The following STARD8 variants were observed in gnomAD, a reference collection of about 807,000 sequenced individuals.
STARD8 encodes the protein stAR-related lipid transfer protein 8.
In STARD8, 25 loss-of-function variants were observed where a neutral mutation model predicts 69.4. The observed-to-expected ratio is 0.36, with a 90% CI of 0.26 to 0.50. The LOEUF is 0.50. Among genes scored for constraint, STARD8 ranks in the 20% least tolerant of loss-of-function variants. STARD8 has a pLI of 0.96. For synonymous variants in STARD8, 389 were observed against 374.6 expected, an observed-to-expected ratio of 1.04 and a Z score of -0.45; for missense variants, 921 against 932.5, an observed-to-expected ratio of 0.99 and a Z score of 0.16.
At chrX:68,677,504 A>C (rs1295408977) in intron 2 of STARD8, among the ~76,000 whole-genome samples, 1 of 111,442 alleles carries the variant, frequency 9.0e-6, no homozygotes, top group Non-Finnish European at 1.9e-5. Context: ...CCAGAATGGG[A>C]AGGTGGTGAT....
At chrX:68,687,553 T>C (rs2079842318) in intron 2 of STARD8, among the ~76,000 whole-genome samples, 1 of 111,518 alleles carries the variant, frequency 9.0e-6, no homozygotes, top group Non-Finnish European at 1.9e-5. Flanking sequence ...TTTCTCACCA[T>C]AGATTTAACA....
intron 2 of STARD8, among the ~76,000 whole-genome samples, chrX:68,702,780 A>G (rs1055542001): frequency 1.8e-5 from 2 of 110,672 alleles, no homozygotes; most frequent in Non-Finnish European, 3.8e-5. Flanking sequence ...TGTTGTGAAG[A>G]TTCAATGACA....
chrX:68,689,465 G>C (rs2147900120), intron 2 of STARD8, among the ~76,000 whole-genome samples: 1 of 112,312 alleles, frequency 8.9e-6, no homozygotes, highest in African/African-American at 3.2e-5. Flanking sequence ...CATCAGGCTG[G>C]CACATTGACT....
rs1338125057 is a variant in STARD8, at chrX:68,721,137, C to T, written c.2248+15C>T. ...GATCTACCAGCGTGAGTCGCCCACTCCTATCCCCAACAACCTGTCCCATTC... is the reference window on the plus strand; with the variant it reads ...GATCTACCAGCGTGAGTCGCCCACTTCTATCCCCAACAACCTGTCCCATTC... On this transcript the variant is annotated intron_variant, in intron 9 of 14. Coordinates refer to ENST00000374599, the MANE Select transcript of STARD8 (RefSeq NM_001142503.3). 8.3e-7 allele frequency: 1 copy of T among 1,205,540 alleles called. No individual in the cohort carries two copies. Among genetic ancestry groups the T allele is most frequent in the Non-Finnish European group, 1.1e-6 (1 of 891,612 alleles).
chrX:68,715,713 G>A (rs2080086520), intron 4 of STARD8, among the ~76,000 whole-genome samples: 1 of 111,575 alleles, frequency 9.0e-6, no homozygotes, highest in African/African-American at 3.3e-5. Flanking sequence ...CAAGGCTTCA[G>A]CCTAACTGGC....
At chrX:68,689,288 C>T (rs1366296478) in intron 2 of STARD8, among the ~76,000 whole-genome samples, 3 of 61,810 alleles carry the variant, frequency 4.9e-5, no homozygotes, top group Admixed American at 4.5e-4. Flanking sequence ...CAGACCTCCC[C>T]GAGGCGTTAG....
chrX:68,716,610 A>C (rs1341642855), intron 5 of STARD8, among the ~76,000 whole-genome samples, 179 bp downstream of exon 5: 1 of 111,044 alleles, frequency 9.0e-6, no homozygotes, highest in Non-Finnish European at 1.9e-5. Flanking sequence ...CTTTCCTGGG[A>C]ACTTGCTTTC....
intron 2 of STARD8, among the ~76,000 whole-genome samples, chrX:68,688,039 ATG>A (rs1472874123): frequency 8.9e-6 from 1 of 112,773 alleles, no homozygotes; most frequent in African/African-American, 3.2e-5. Context: ...TGTTATGGGA[ATG>A]GCTGATGCAT....
chrX:68,714,990 G>T (rs988277912), intron 3 of STARD8, among the ~76,000 whole-genome samples: 2 of 111,779 alleles, frequency 1.8e-5, no homozygotes, highest in African/African-American at 6.5e-5. Context: ...GATTCAAAGG[G>T]GAATGGGGGA....
intron 2 of STARD8, among the ~76,000 whole-genome samples, chrX:68,679,515 G>A (rs1262641014): frequency 1.8e-5 from 2 of 112,316 alleles, no homozygotes; most frequent in African/African-American, 6.5e-5. Flanking sequence ...CAATCACTTG[G>A]TCAAAGAGAA....
chrX:68,686,240 T>C (rs1345141280), intron 2 of STARD8, among the ~76,000 whole-genome samples: 1 of 103,476 alleles, frequency 9.7e-6, no homozygotes, highest in African/African-American at 3.6e-5. Context: ...GAGTTCCTGC[T>C]CAAGGTGGGG....
At chrX:68,648,804 A>T (rs2079530688) in intron 1 of STARD8, among the ~76,000 whole-genome samples, 1 of 112,143 alleles carries the variant, frequency 8.9e-6, no homozygotes, top group Admixed American at 9.5e-5. Context: ...GTAAAGCATG[A>T]TTCCACTCTC....
chrX:68,693,176 G>A (rs2079889452), intron 2 of STARD8, among the ~76,000 whole-genome samples: 1 of 112,688 alleles, frequency 8.9e-6, no homozygotes, highest in Non-Finnish European at 1.9e-5. Flanking sequence ...GGAAGTTGCA[G>A]AGCCACTGGG....
intron 1 of STARD8, among the ~76,000 whole-genome samples, chrX:68,657,193 A>T: frequency 8.9e-6 from 1 of 111,797 alleles, no homozygotes; most frequent in African/African-American, 3.3e-5. Context: ...GGGGAGAATG[A>T]TAACTCCTAC....
At position 68,722,419 on chromosome X, in the gene STARD8, C is replaced by T. The variant is rs1390190971; in HGVS notation, c.2575-3C>T. 2 of 1,190,602 alleles carry T rather than the reference C, an allele frequency of 1.7e-6. No homozygotes were observed. The highest frequency in any genetic ancestry group is 1.1e-6 in the Non-Finnish European group (1 of 885,112). ...GCAGCCCATTGTGTGTGTGCCCTCT[C>T]AGGTGCCCCAGGACATGGTGCTGCA... On this transcript the variant is annotated splice_polypyrimidine_tract_variant and splice_region_variant and intron_variant, in intron 11 of 14. Coordinates refer to ENST00000374599, the MANE Select transcript of STARD8 (RefSeq NM_001142503.3).
intron 11 of STARD8, 86 bp from the exon 12 acceptor site, chrX:68,722,336 T>G: frequency 1.7e-5 from 16 of 927,970 alleles, no homozygotes; most frequent in Non-Finnish European, 2.2e-5. Flanking sequence ...GCTGCACCTC[T>G]CCACTGCCCT....
At chrX:68,698,587 G>GGACCCAGACCCAGACCCA (rs3838387) in intron 2 of STARD8, among the ~76,000 whole-genome samples, 2 of 106,974 alleles carry the variant, frequency 1.9e-5, no homozygotes, top group African/African-American at 3.5e-5. Context: ...GGTCGGGCCA[G>GGACCCAGACCCAGACCCA]GACCCAGACC....
At chrX:68,674,152 A>G (rs930808613) in intron 2 of STARD8, among the ~76,000 whole-genome samples, 2 of 109,972 alleles carry the variant, frequency 1.8e-5, no homozygotes, top group Admixed American at 1.9e-4. Context: ...AAATTAGCTA[A>G]GTGTGGTGGT....
intron 2 of STARD8, among the ~76,000 whole-genome samples, chrX:68,694,918 T>A (rs761546098): frequency 4.9e-4 from 54 of 110,618 alleles, no homozygotes; most frequent in Non-Finnish European, 4.4e-4. Flanking sequence ...CCTCAGAGAT[T>A]GGGCTGGCTT....
Sources: gnomAD v4.1 joint callset for allele counts (sites outside exome capture counted in the v4.1 genomes callset) on GRCh38, gnomAD v4.1.1 for gene constraint, MANE v1.5 for transcripts, NCBI Gene and HGNC (gene_info 2026-07-23, HGNC 2026-07-21) for gene names.